The following GSTT4 variants were observed in gnomAD, a reference collection of about 807,000 sequenced individuals.
GSTT4 encodes glutathione S-transferase theta 4.
chr22:23,990,653 T>TAAACAAAC, the GSTT4 span, among the ~76,000 whole-genome samples: 7,224 of 56,838 alleles, frequency 0.13, 1,850 homozygotes, highest in Non-Finnish European at 0.19. Flanking sequence ...AATAAATAAA[T>TAAACAAAC]AAACAAACAA....
rs1179345725 is a variant in GSTT4 at position 24,001,188 on chromosome 22, A to G, written c.338T>C (p.Ile113Thr). ...HTAFQLPMKKIVWLKLLIPKI... is the reference protein window; with the variant it reads ...HTAFQLPMKKTVWLKLLIPKI... ...GGCCCTGCTCACCTTGAGCCAGACTATCTTCTTCATGGGCAGCTGAAAGGC... is the reference window on the plus strand; with the variant it reads ...GGCCCTGCTCACCTTGAGCCAGACTGTCTTCTTCATGGGCAGCTGAAAGGC... Residue 113 changes from isoleucine (I) to threonine (T), a missense_variant, in exon 3 of 5, where the codon ATA becomes ACA. Ile to Thr is a moderately conservative substitution (Grantham distance 89). Transcript: ENST00000621179. The G allele has an allele frequency of 6.8e-6, 1 of 147,872 alleles. No homozygotes were observed. The highest frequency in any genetic ancestry group is 2.5e-5 in the African/African-American group (1 of 39,264). The allele number at this position is 147,872 out of a possible 1,614,324, so 9.2% of individuals were successfully genotyped here.
downstream of GSTT4, among the ~76,000 whole-genome samples, chr22:23,994,806 AAGG>A (rs1464882900): frequency 1.3e-5 from 2 of 152,086 alleles, no homozygotes; most frequent in African/African-American, 2.4e-5. Flanking sequence ...TAGTTTTAGG[AAGG>A]AGAAGACAAG....
intron 2 of GSTT4, among the ~76,000 whole-genome samples, chr22:24,002,365 C>T (rs1004415941): frequency 5.9e-5 from 9 of 152,252 alleles, no homozygotes; most frequent in African/African-American, 2.2e-4. Flanking sequence ...GGGAGACATG[C>T]TTCGGAGGGG....
intron 1 of GSTT4, chr22:24,004,484 C>T (rs974045553): frequency 3.9e-5 from 6 of 154,120 alleles, no homozygotes; most frequent in Admixed American, 2.0e-4. Flanking sequence ...TTTGGAGTCC[C>T]TCTGTGCTGG....
chr22:24,000,672 C>T (rs1402828933), intron 3 of GSTT4, among the ~76,000 whole-genome samples: 1 of 144,758 alleles, frequency 6.9e-6, no homozygotes, highest in African/African-American at 2.8e-5. Flanking sequence ...AATTGTCCTG[C>T]CTCAGCGTCC....
chr22:23,992,544 G>T, the GSTT4 span, among the ~76,000 whole-genome samples: 2 of 151,012 alleles, frequency 1.3e-5, no homozygotes, highest in African/African-American at 4.9e-5. Flanking sequence ...GGCCTACAAC[G>T]CAGAAGGGCC....
rs2844013 is a variant in GSTT4, at chr22:24,000,144, C to G, written c.459G>C (p.Gln153His). The G allele has an allele frequency of 0.038, 5,967 of 155,482 alleles. 290 individuals carry two copies. Among genetic ancestry groups the G allele is most frequent in the East Asian group, 0.22 (1,119 of 5,186 alleles). 9.6% of individuals were successfully genotyped at this position (155,482 alleles called of 1,614,324 possible). The change falls in exon 4 of 5, where the codon CAG becomes CAC. Residue 153 changes from glutamine to histidine, a missense_variant. Physicochemically the swap from Gln to His is conservative, Grantham distance 24 (BLOSUM62 0). Transcript: ENST00000621179. Reference sequence around the variant, plus strand: ...GGTTCCCGGTGATGAACATCTTATCCTGCAGAAAATACTCCTCAAAGAGCT... The same window carrying G: ...GGTTCCCGGTGATGAACATCTTATCGTGCAGAAAATACTCCTCAAAGAGCT... ...SLQLFEEYFL[Q>H]DKMFITGNQI... is the part of the protein sequence containing the mutation.
the GSTT4 span, chr22:23,991,283 G>T: frequency 3.6e-5 from 4 of 110,434 alleles, 1 homozygote; most frequent in Admixed American, 3.9e-4. Flanking sequence ...AAAGCAGCGG[G>T]GACAGGCAGG....
intron 1 of GSTT4, chr22:24,004,726 A>C (rs1250885302): frequency 6.5e-6 from 1 of 153,520 alleles, no homozygotes; most frequent in Non-Finnish European, 1.4e-5. Context: ...CTCCTCGAAA[A>C]GCCTGTTCAT....
intron 2 of GSTT4, among the ~76,000 whole-genome samples, chr22:24,002,211 G>A (rs1278896873): frequency 1.3e-5 from 2 of 152,268 alleles, no homozygotes; most frequent in South Asian, 2.1e-4. Flanking sequence ...ATAAGCCAGG[G>A]CATGAAAGGA....
At chr22:23,993,241 T>C in the GSTT4 span, among the ~76,000 whole-genome samples, 2 of 152,218 alleles carry the variant, frequency 1.3e-5, no homozygotes, top group East Asian at 3.9e-4. Flanking sequence ...TCTCTCTTGT[T>C]TTTTAGAGAC....
At chr22:23,990,626 A>T in the GSTT4 span, among the ~76,000 whole-genome samples, 248 of 66,190 alleles carry the variant, frequency 3.7e-3, 24 homozygotes, top group East Asian at 0.023. Flanking sequence ...ACACTGTAAT[A>T]AATAAATAAA....
At chr22:23,991,649 G>A in the GSTT4 span, among the ~76,000 whole-genome samples, 3 of 122,604 alleles carry the variant, frequency 2.4e-5, no homozygotes, top group South Asian at 6.2e-4. Flanking sequence ...GTCCGGCCAC[G>A]CCCTCTTCAC....
At position 23,998,442 on chromosome 22, in the gene GSTT4, T is replaced by TTTTTG. The variant is rs1293510224; in HGVS notation, c.*99_*100insCAAAA. 1.2e-4 allele frequency: 3 copies of TTTTTG among 26,038 alleles called. No homozygotes were observed. In the East Asian group the frequency reaches 1.3e-3, roughly 11 times the overall value. 1.6% of individuals were successfully genotyped at this position (26,038 alleles called of 1,614,324 possible). A position where few individuals can be genotyped will look rare whatever the true frequency, so the allele number is the denominator to read the frequency against. ...TCTTTATTAGGCAAAGAACAGTTGT[T>TTTTTG]TTTTTGTTTTTTTGTTTTTTTTTTT... On this transcript the variant is annotated 3_prime_UTR_variant, in exon 5 of 5. Transcript: ENST00000621179.
At chr22:24,001,012 C>T (rs1220838354) in intron 3 of GSTT4, among the ~76,000 whole-genome samples, 163 bp downstream of exon 3, 3 of 106,642 alleles carry the variant, frequency 2.8e-5, no homozygotes, top group Non-Finnish European at 5.6e-5. Context: ...ACACTCCTGA[C>T]GGCTCTGTAA....
chr22:24,002,606 G>T (rs2034257052), intron 2 of GSTT4, among the ~76,000 whole-genome samples: 1 of 42,318 alleles, frequency 2.4e-5, no homozygotes, highest in Non-Finnish European at 6.8e-5. Flanking sequence ...CGAGGCGGGG[G>T]GATCATGGGG....
the GSTT4 span, among the ~76,000 whole-genome samples, chr22:23,992,693 G>T: frequency 1.6e-5 from 2 of 124,532 alleles, no homozygotes; most frequent in East Asian, 4.5e-4. Context: ...GGCACTGTCT[G>T]CTCTGGGCAG....
downstream of GSTT4, among the ~76,000 whole-genome samples, chr22:23,996,220 G>C (rs1318634834): frequency 6.6e-6 from 1 of 151,458 alleles, no homozygotes; most frequent in East Asian, 1.9e-4. Flanking sequence ...GGGATTACAG[G>C]TGTGAGCCAC....
chr22:23,991,574 T>G, the GSTT4 span, among the ~76,000 whole-genome samples: 1 of 70,286 alleles, frequency 1.4e-5, no homozygotes, highest in Non-Finnish European at 3.0e-5. Flanking sequence ...TGGGGGTAGG[T>G]GAGGGATGGG....
Sources: allele counts gnomAD v4.1 joint callset (sites outside exome capture counted in the v4.1 genomes callset), GRCh38; gene constraint gnomAD v4.1.1; transcripts MANE v1.5; gene names NCBI Gene and HGNC (gene_info 2026-07-23, HGNC 2026-07-21).